Variants in RMDN2 observed in about 807,000 individuals in gnomAD.
The protein encoded by RMDN2 is regulator of microtubule dynamics protein 2.
A neutral mutation model predicts 52.8 loss-of-function variants in RMDN2; 61 were observed. That is an observed-to-expected ratio of 1.16 (90% CI 0.94 to 1.43). The LOEUF is 1.43. Ranked by LOEUF, RMDN2 falls within the 40% of genes most tolerant of loss-of-function variation. The pLI is 0.00. For synonymous variants in RMDN2, 180 were observed against 153.1 expected (o/e 1.18, Z -1.30); for missense variants, 592 against 475.3 (o/e 1.25, Z -2.28).
chr2:37,984,873 A>G (rs4142169), intron 5 of RMDN2, among the ~76,000 whole-genome samples: 64,583 of 151,378 alleles, frequency 0.43, 15,292 homozygotes, highest in East Asian at 0.78. Context: ...AAGTATTTTA[A>G]ATGAACAGTA....
chr2:37,933,599 G>A (rs1000461696), intron 2 of RMDN2, among the ~76,000 whole-genome samples: 4 of 152,244 alleles, frequency 2.6e-5, no homozygotes, highest in African/African-American at 7.2e-5. Context: ...GCGAAACCCC[G>A]TCTCCACCAA....
chr2:37,940,247 A>G (rs1166549851), intron 2 of RMDN2, among the ~76,000 whole-genome samples: 1 of 152,130 alleles, frequency 6.6e-6, no homozygotes, highest in Non-Finnish European at 1.5e-5. Flanking sequence ...GTGCAGAGAG[A>G]TTTCCTGTTA....
intron 10 of RMDN2, among the ~76,000 whole-genome samples, chr2:38,005,760 C>G (rs7559879): frequency 0.59 from 89,093 of 152,012 alleles, 27,664 homozygotes; most frequent in East Asian, 0.89. Context: ...TGGTGTTTTA[C>G]ACATGAAGTC....
At chr2:38,015,261 C>T (rs1017132023) in intron 10 of RMDN2, among the ~76,000 whole-genome samples, 1 of 152,132 alleles carries the variant, frequency 6.6e-6, no homozygotes, top group Non-Finnish European at 1.5e-5. Flanking sequence ...CTTGACAGTA[C>T]AACGATAGGA....
At chr2:37,974,392 A>C (rs1672194313) in intron 3 of RMDN2, among the ~76,000 whole-genome samples, 178 bp downstream of exon 3, 1 of 152,060 alleles carries the variant, frequency 6.6e-6, no homozygotes, top group East Asian at 1.9e-4. Context: ...AGATGCATAA[A>C]ATTTTAAAAA....
chr2:37,976,365 C>G (rs1672465924), intron 4 of RMDN2: 1 of 152,174 alleles, frequency 6.6e-6, no homozygotes, highest in Non-Finnish European at 1.5e-5. Context: ...ACTTTGACAT[C>G]AAAATCTTTT....
At chr2:38,012,175 C>T (rs1466695519) in intron 10 of RMDN2, among the ~76,000 whole-genome samples, 1 of 152,306 alleles carries the variant, frequency 6.6e-6, no homozygotes. Flanking sequence ...AACACTCCTA[C>T]CCACCCTCTG....
At chr2:38,021,677 C>A (rs116170132), downstream of RMDN2, among the ~76,000 whole-genome samples, 161 of 152,326 alleles carry the variant, frequency 1.1e-3, no homozygotes, top group African/African-American at 3.8e-3. Flanking sequence ...ATTCTGGACA[C>A]ATAAGGAGTG....
intron 10 of RMDN2, among the ~76,000 whole-genome samples, chr2:38,040,694 C>T (rs973853922): frequency 6.6e-5 from 10 of 152,294 alleles, no homozygotes; most frequent in African/African-American, 1.4e-4. Context: ...ATTGTATTGT[C>T]TGTTCTGGGT....
At chr2:37,960,217 G>A (rs532770524) in intron 2 of RMDN2, among the ~76,000 whole-genome samples, 1 of 152,202 alleles carries the variant, frequency 6.6e-6, no homozygotes, top group African/African-American at 2.4e-5. Context: ...CTGTCTCGTT[G>A]ATCTGTCTAA....
intron 10 of RMDN2, among the ~76,000 whole-genome samples, chr2:38,024,553 C>T (rs1573157166): frequency 6.6e-6 from 1 of 151,968 alleles, no homozygotes; most frequent in Non-Finnish European, 1.5e-5. Flanking sequence ...TTTTTTGGTG[C>T]ATTTATTTGT....
intron 10 of RMDN2, among the ~76,000 whole-genome samples, chr2:38,005,705 C>A (rs1015356755): frequency 6.6e-5 from 10 of 152,088 alleles, no homozygotes; most frequent in African/African-American, 1.2e-4. Context: ...TCTTTAGTTT[C>A]ATTAGATCCC....
At chr2:38,061,643 A>ACG (rs1682054990) in intron 10 of RMDN2, among the ~76,000 whole-genome samples, 1 of 141,780 alleles carries the variant, frequency 7.1e-6, no homozygotes, top group Non-Finnish European at 1.5e-5. Flanking sequence ...GTACACACAC[A>ACG]CACACACACA....
At chr2:38,018,884 GCACACGCA>G (rs924159705), downstream of RMDN2, among the ~76,000 whole-genome samples, 18 of 152,182 alleles carry the variant, frequency 1.2e-4, 1 homozygote, top group South Asian at 6.2e-4. Flanking sequence ...GCACATGCAC[GCACACGCA>G]CACACGCACA....
intron 10 of RMDN2, among the ~76,000 whole-genome samples, chr2:38,006,469 G>T (rs1173572533): frequency 6.6e-6 from 1 of 152,120 alleles, no homozygotes; most frequent in African/African-American, 2.4e-5. Context: ...TGAAGCAATT[G>T]TGAATGGGAG....
At chr2:37,993,875 G>A (rs144788835) in intron 7 of RMDN2, among the ~76,000 whole-genome samples, 5 of 152,108 alleles carry the variant, frequency 3.3e-5, no homozygotes, top group Admixed American at 2.6e-4. Flanking sequence ...AGGAGGAAAC[G>A]CTGCTAAGAT....
At chr2:37,926,094 AAACT>A (rs10549702) in intron 1 of RMDN2, among the ~76,000 whole-genome samples, 16,207 of 152,162 alleles carry the variant, frequency 0.11, 1,116 homozygotes, top group African/African-American at 0.2. Flanking sequence ...TTCTCTTAGG[AAACT>A]TAAACCTCGG....
chr2:37,988,616 T>C (rs1490447045), intron 5 of RMDN2, among the ~76,000 whole-genome samples: 3 of 152,200 alleles, frequency 2.0e-5, no homozygotes, highest in African/African-American at 7.2e-5. Flanking sequence ...TGGATATTCA[T>C]AGAAATGGCT....
At chr2:37,989,056 A>G (rs748457325) in intron 5 of RMDN2, among the ~76,000 whole-genome samples, 3 of 152,178 alleles carry the variant, frequency 2.0e-5, no homozygotes, top group Non-Finnish European at 2.9e-5. Flanking sequence ...ATTTATTGGT[A>G]TTAAAGGAGC....
Sources: gnomAD v4.1 joint callset for allele counts (sites outside exome capture counted in the v4.1 genomes callset) on GRCh38, gnomAD v4.1.1 for gene constraint, MANE v1.5 for transcripts, NCBI Gene and HGNC (gene_info 2026-07-23, HGNC 2026-07-21) for gene names.